The following ITPRID1 variants were observed in gnomAD, a reference collection of about 807,000 sequenced individuals.
ITPRID1 encodes protein ITPRID1.
ITPRID1 carries 96 observed loss-of-function variants against 95.4 expected under a neutral mutation model. The observed-to-expected ratio is 1.01, with a 90% CI of 0.85 to 1.19. The LOEUF (loss-of-function observed/expected upper bound fraction) is 1.19. Among genes scored for constraint, ITPRID1 ranks in the 50% most tolerant of loss-of-function variants. The pLI, the probability that ITPRID1 is intolerant of heterozygous loss-of-function variation, is 0.00. For missense variants in ITPRID1, 1,339 were observed against 1,252.9 expected (o/e 1.07, Z -1.04); for synonymous variants, 510 against 453.6 (o/e 1.12, Z -1.58).
At chr7:31,592,205 A>G (rs1206164094) in intron 10 of ITPRID1, among the ~76,000 whole-genome samples, 1 of 152,206 alleles carries the variant, frequency 6.6e-6, no homozygotes, top group Non-Finnish European at 1.5e-5. Context: ...AATGTCCTCA[A>G]GTAAGTGAGA....
chr7:31,546,451 A>G lies in ITPRID1; in HGVS notation c.-97-2975A>G, dbSNP rs541853890. On this transcript the variant is annotated intron_variant, in intron 1 of 14. Coordinates refer to ENST00000615280, the MANE Select transcript of ITPRID1 (RefSeq NM_001257967.3). ...TATAACTGTGTGTCTATGTCTGTGCATGCATGTGTCTGTGTGTGTATAATC... is the reference window on the plus strand; with the variant it reads ...TATAACTGTGTGTCTATGTCTGTGCGTGCATGTGTCTGTGTGTGTATAATC... Among the ~76,000 whole-genome samples the G allele has an allele frequency of 4.6e-5, 7 of 152,024 alleles. No homozygotes were observed. In the South Asian group the frequency reaches 1.0e-3, roughly 23 times the overall value.
intron 1 of ITPRID1, among the ~76,000 whole-genome samples, chr7:31,516,570 G>A (rs1195502824): frequency 1.3e-5 from 2 of 152,152 alleles, no homozygotes; most frequent in Non-Finnish European, 2.9e-5. Context: ...AACAGACACA[G>A]ATAATAGTTG....
At chr7:31,528,268 A>G (rs1252682063) in intron 1 of ITPRID1, among the ~76,000 whole-genome samples, 2 of 152,200 alleles carry the variant, frequency 1.3e-5, no homozygotes, top group Non-Finnish European at 2.9e-5. Flanking sequence ...TTATGTGTGT[A>G]TGTGGATGAA....
At chr7:31,533,901 C>A (rs1783678405) in intron 1 of ITPRID1, among the ~76,000 whole-genome samples, 1 of 152,124 alleles carries the variant, frequency 6.6e-6, no homozygotes, top group Non-Finnish European at 1.5e-5. Context: ...CAACCCCAGG[C>A]TGTGGACTAG....
chr7:31,558,303 G>T (rs1784517977), intron 5 of ITPRID1, among the ~76,000 whole-genome samples: 1 of 152,132 alleles, frequency 6.6e-6, no homozygotes. Flanking sequence ...TATAGCAGCA[G>T]AAAATAGGCT....
Position 31,654,332 on chromosome 7 carries a change from C to G in ITPRID1, c.*1503C>G, listed in dbSNP as rs1442346722. Among the ~76,000 whole-genome samples, 3 of 151,986 alleles carry G rather than the reference C, an allele frequency of 2.0e-5. No individual in the cohort carries two copies. Among genetic ancestry groups the G allele is most frequent in the African/African-American group, 7.2e-5 (3 of 41,382 alleles). On this transcript the variant is annotated 3_prime_UTR_variant, in exon 15 of 15. Transcript: ENST00000615280. The stretch of plus-strand genomic sequence containing the variant: ...TAGAGATAGCCAGTGCTGCTCAGTG[C>G]GGTGGGGCATGGAGATGGAGGGAGG...
intron 6 of ITPRID1, among the ~76,000 whole-genome samples, chr7:31,570,113 A>G (rs1211583106): frequency 1.3e-5 from 2 of 152,240 alleles, no homozygotes; most frequent in Non-Finnish European, 1.5e-5. Context: ...ACCTGTTTAT[A>G]AAACAGTTGC....
intron 10 of ITPRID1, among the ~76,000 whole-genome samples, chr7:31,629,678 A>T (rs1788817931): frequency 6.6e-6 from 1 of 152,200 alleles, no homozygotes. Flanking sequence ...TCACCTCTCA[A>T]AAAGCATCCT....
chr7:31,530,255 G>A (rs1783553003), intron 1 of ITPRID1, among the ~76,000 whole-genome samples: 1 of 151,718 alleles, frequency 6.6e-6, no homozygotes, highest in Admixed American at 6.6e-5. Context: ...GACTTTTTTT[G>A]TCTTTCTTGC....
chr7:31,602,490 G>C (rs1324690668), intron 10 of ITPRID1, among the ~76,000 whole-genome samples: 1 of 152,122 alleles, frequency 6.6e-6, no homozygotes, highest in Non-Finnish European at 1.5e-5. Flanking sequence ...CCATTGTTCT[G>C]TAATGAAGCT....
intron 4 of ITPRID1, 125 bp from the exon 5 acceptor site, chr7:31,554,733 T>C: frequency 9.8e-7 from 1 of 1,022,872 alleles, no homozygotes; most frequent in Non-Finnish European, 1.4e-6. Context: ...GTTTATTGGT[T>C]TCTAAAAGTC....
At chr7:31,649,478 G>T (rs970003927) in intron 12 of ITPRID1, among the ~76,000 whole-genome samples, 1 of 152,190 alleles carries the variant, frequency 6.6e-6, no homozygotes, top group Non-Finnish European at 1.5e-5. Flanking sequence ...ACTGGCCATT[G>T]TCTCTACAAG....
chr7:31,658,264 C>G, downstream of ITPRID1: 1 of 1,500,560 alleles, frequency 6.7e-7, no homozygotes, highest in Non-Finnish European at 8.8e-7. Flanking sequence ...CACATATTCT[C>G]TTATAGGTGA....
At chr7:31,619,641 T>C (rs909660640) in intron 10 of ITPRID1, among the ~76,000 whole-genome samples, 4 of 152,052 alleles carry the variant, frequency 2.6e-5, no homozygotes. Context: ...GATGGCCGAA[T>C]AGGAACAGCT....
intron 4 of ITPRID1, 150 bp from the exon 5 acceptor site, chr7:31,554,708 C>T (rs1784392730): frequency 1.1e-6 from 1 of 940,680 alleles, no homozygotes; most frequent in African/African-American, 1.6e-5. Context: ...TAAAATACTA[C>T]TCTAGTCCCT....
intron 10 of ITPRID1, among the ~76,000 whole-genome samples, chr7:31,611,973 C>T (rs1406866685): frequency 6.6e-6 from 1 of 151,626 alleles, no homozygotes; most frequent in Admixed American, 6.6e-5. Context: ...TCTGGGACTC[C>T]CATTATGTGT....
intron 5 of ITPRID1, among the ~76,000 whole-genome samples, chr7:31,562,635 G>C (rs1183838083): frequency 6.6e-6 from 1 of 152,108 alleles, no homozygotes; most frequent in Non-Finnish European, 1.5e-5. Flanking sequence ...TAGGTGAAGG[G>C]AACAATGATG....
At chr7:31,607,873 TAATTA>T (rs1786694313) in intron 10 of ITPRID1, among the ~76,000 whole-genome samples, 2 of 152,224 alleles carry the variant, frequency 1.3e-5, no homozygotes, top group African/African-American at 4.8e-5. Context: ...TCCAGCACTT[TAATTA>T]AATTTATTTC....
Position 31,643,252 on chromosome 7 carries a change from C to T in ITPRID1, c.1882C>T (p.His628Tyr). 1 of 1,613,772 alleles carries T rather than the reference C, an allele frequency of 6.2e-7. No individual in the cohort carries two copies. The highest frequency in any genetic ancestry group is 8.5e-7 in the Non-Finnish European group (1 of 1,179,850). ...AGAGGAAAGCAGTGGATTCTGTCCT[C>T]ACACCAACCACAGCTTACTCGTACC... is the stretch of plus-strand genomic sequence containing the variant. ...REEESSGFCP[H>Y]TNHSLLVPES... The change falls in exon 12 of 15, where the codon CAC becomes TAC. Residue 628 changes from histidine (H) to tyrosine (Y), a missense_variant. By Grantham distance (83) the His-to-Tyr change is moderately conservative. Coordinates refer to ENST00000615280, the MANE Select transcript of ITPRID1 (RefSeq NM_001257967.3).
Sources: allele counts gnomAD v4.1 joint callset (sites outside exome capture counted in the v4.1 genomes callset), GRCh38; gene constraint gnomAD v4.1.1; transcripts MANE v1.5; gene names NCBI Gene and HGNC (gene_info 2026-07-23, HGNC 2026-07-21).